Variants in ANKMY1 observed in about 807,000 individuals in gnomAD.
ANKMY1 encodes ankyrin repeat and MYND domain containing 1.
Under a neutral mutation model 102.0 loss-of-function variants are expected in ANKMY1, and 98 were observed. The observed-to-expected ratio is 0.96, with a 90% CI of 0.82 to 1.14. The LOEUF is 1.14. ANKMY1 is among the 50% of genes most tolerant of loss of function. The pLI is 0.00. For synonymous variants in ANKMY1, 582 were observed against 559.9 expected, an observed-to-expected ratio of 1.04 and a Z score of -0.56; for missense variants, 1,330 against 1,347.6, an observed-to-expected ratio of 0.99 and a Z score of 0.20.
chr2:240,554,428 C>T (rs1575383007), intron 3 of ANKMY1: 1 of 160,358 alleles, frequency 6.2e-6, no homozygotes, highest in East Asian at 1.8e-4. Context: ...TGGCAAGCGC[C>T]AACAGAGGCC....
intron 4 of ANKMY1, chr2:240,532,137 T>C: frequency 4.3e-6 from 2 of 466,298 alleles, no homozygotes; most frequent in South Asian, 1.6e-5. Context: ...ACATTGAAAC[T>C]GTAGAAAACC....
Position 240,488,370 on chromosome 2 carries a change from T to C in ANKMY1, c.2807-6109A>G, listed in dbSNP as rs563467431. The stretch of plus-strand genomic sequence containing the variant: ...TCAGTACATGCTGTTTTGGTTACTA[T>C]AGCTTTGTAGTATATTTTGAATCCA... On this transcript the variant is annotated intron_variant, in intron 15 of 17. Coordinates refer to ENST00000401804, the MANE Select transcript of ANKMY1 (RefSeq NM_001282771.3). Among the ~76,000 whole-genome samples, 22 of 152,364 alleles carry C rather than the reference T, an allele frequency of 1.4e-4. No homozygotes were observed. In the South Asian group the frequency reaches 3.9e-3, roughly 27 times the overall value.
chr2:240,557,131 C>A, intron 2 of ANKMY1, 59 bp downstream of exon 2: 1 of 1,388,204 alleles, frequency 7.2e-7, no homozygotes. Context: ...AAGGAGAATC[C>A]CGGCTAACCC....
intron 12 of ANKMY1, among the ~76,000 whole-genome samples, chr2:240,509,092 G>A (rs1223558516): frequency 6.6e-6 from 1 of 152,012 alleles, no homozygotes; most frequent in African/African-American, 2.4e-5. Context: ...TGGATAAGTG[G>A]ATGAGAAGTT....
chr2:240,500,631 C>T (rs762921675), intron 13 of ANKMY1, 66 bp from the exon 14 acceptor site: 41 of 1,441,418 alleles, frequency 2.8e-5, no homozygotes, highest in African/African-American at 2.5e-4. Flanking sequence ...GCGGAAGCAC[C>T]GCCTGAGAAG....
In ANKMY1 at chr2:240,506,219, C is replaced by T. The variant is rs1035003519; in HGVS notation, c.2526+1341G>A. Among the ~76,000 whole-genome samples the T allele has an allele frequency of 6.6e-6, 1 of 152,216 alleles. No individual in the cohort carries two copies. ...TCAAGGCACATTCAGCGTCCACACA[C>T]AACAACGCTGCCCCCTGAGCTGCCT... On this transcript the variant is annotated intron_variant, in intron 13 of 17. Coordinates refer to ENST00000401804, the MANE Select transcript of ANKMY1 (RefSeq NM_001282771.3). The surrounding 1 kb of genome is among the most constrained non-coding windows in gnomAD (Gnocchi z 4.9).
At chr2:240,528,996 A>G in intron 5 of ANKMY1, 41 bp downstream of exon 5, 1 of 1,582,866 alleles carries the variant, frequency 6.3e-7, no homozygotes, top group Non-Finnish European at 8.7e-7. Flanking sequence ...CAGCCTGCAC[A>G]GTGCACGGCC....
chr2:240,469,707 C>A, the ANKMY1 span, among the ~76,000 whole-genome samples: 2 of 152,102 alleles, frequency 1.3e-5, no homozygotes, highest in African/African-American at 4.8e-5. Flanking sequence ...ACACCCTGTA[C>A]ATGCACACAC....
intron 5 of ANKMY1, chr2:240,527,249 G>GAATGGGCAGGTAGGTGGGTA (rs2083728155): frequency 6.6e-6 from 1 of 150,860 alleles, no homozygotes; most frequent in Non-Finnish European, 1.4e-5. Context: ...GTGGGTGGAT[G>GAATGGGCAGGTAGGTGGGTA]GATGAAAGAT....
At chr2:240,541,260 G>C (rs1002247033) in intron 4 of ANKMY1, among the ~76,000 whole-genome samples, 2 of 152,174 alleles carry the variant, frequency 1.3e-5, no homozygotes, top group Non-Finnish European at 2.9e-5. Context: ...GGGTGACCAA[G>C]CCCAATCCAT....
chr2:240,558,206 C>T (rs1403041289), upstream of ANKMY1: 1 of 153,466 alleles, frequency 6.5e-6, no homozygotes, highest in Non-Finnish European at 1.4e-5. Flanking sequence ...AGAGAAAGCG[C>T]TAAATTCCCC....
intron 4 of ANKMY1, among the ~76,000 whole-genome samples, chr2:240,539,007 C>CAAAATGGACCGATCAGCTCTCTGT (rs1457625447): frequency 6.6e-6 from 1 of 152,174 alleles, no homozygotes; most frequent in Admixed American, 6.5e-5. Context: ...AGCACTTTGT[C>CAAAATGGACCGATCAGCTCTCTGT]AAAATGGACC....
intron 4 of ANKMY1, among the ~76,000 whole-genome samples, chr2:240,546,598 G>A (rs1462522392): frequency 6.6e-6 from 1 of 152,146 alleles, no homozygotes; most frequent in Non-Finnish European, 1.5e-5. Flanking sequence ...CCATCAGTGT[G>A]CTGTATTCAG....
At chr2:240,524,564 G>A (rs1241354133) in intron 7 of ANKMY1, among the ~76,000 whole-genome samples, 183 bp from the exon 8 acceptor site, 1 of 152,178 alleles carries the variant, frequency 6.6e-6, no homozygotes. Flanking sequence ...TGAAGGCATC[G>A]GACAGAAGCC....
Position 240,481,116 on chromosome 2 carries a change from G to A in ANKMY1, c.2886-19C>T, listed in dbSNP as rs36067674. The A allele has an allele frequency of 0.043, 69,471 of 1,597,728 alleles. 1,742 individuals are homozygous for A. Among genetic ancestry groups the A allele is most frequent in the Non-Finnish European group, 0.05 (57,896 of 1,167,416 alleles). Reference sequence around the variant, plus strand: ...GGGAATTCTGCAACAGAGCCTCACCGTCAGCAGGCGGCCACTCCAGAACCT... The same window carrying A: ...GGGAATTCTGCAACAGAGCCTCACCATCAGCAGGCGGCCACTCCAGAACCT... On this transcript the variant is annotated intron_variant, in intron 16 of 17. Coordinates refer to ENST00000401804, the MANE Select transcript of ANKMY1 (RefSeq NM_001282771.3).
the ANKMY1 span, among the ~76,000 whole-genome samples, chr2:240,471,034 G>C: frequency 6.6e-6 from 1 of 152,032 alleles, no homozygotes; most frequent in Non-Finnish European, 1.5e-5. Context: ...AGGTGACCTG[G>C]AAACCGCAAA....
intron 15 of ANKMY1, among the ~76,000 whole-genome samples, chr2:240,490,287 C>T (rs2076496974): frequency 6.6e-6 from 1 of 152,030 alleles, no homozygotes; most frequent in African/African-American, 2.4e-5. Context: ...CTGCTCTGAT[C>T]TTTATCTATT....
At chr2:240,545,931 A>G (rs2090265163) in intron 4 of ANKMY1, among the ~76,000 whole-genome samples, 1 of 152,210 alleles carries the variant, frequency 6.6e-6, no homozygotes, top group African/African-American at 2.4e-5. Flanking sequence ...ATTGGAAAAC[A>G]CTCTGCAGGA....
chr2:240,526,006 G>T, intron 6 of ANKMY1, 157 bp from the exon 7 acceptor site: 1 of 1,055,148 alleles, frequency 9.5e-7, no homozygotes, highest in Non-Finnish European at 1.4e-6. Context: ...GTGGGACAGA[G>T]GAATGGAACA....
Sources: gnomAD v4.1 joint callset for allele counts (sites outside exome capture counted in the v4.1 genomes callset) on GRCh38, gnomAD v4.1.1 for gene constraint, Gnocchi (gnomAD v3.1) non-coding constraint, MANE v1.5 for transcripts, NCBI Gene and HGNC (gene_info 2026-07-23, HGNC 2026-07-21) for gene names.